Variants in SH2D4B observed in about 807,000 individuals in gnomAD.
The protein encoded by SH2D4B is SH2 domain-containing protein 4B.
Under a neutral mutation model 61.5 loss-of-function variants are expected in SH2D4B, and 45 were observed. The ratio of observed to expected loss-of-function variants is 0.73; its 90% CI spans 0.58 to 0.94. The LOEUF (loss-of-function observed/expected upper bound fraction) is 0.94. SH2D4B is among the 40% of genes least tolerant of loss of function. The pLI is 0.00. For missense variants in SH2D4B, 572 were observed against 574.2 expected, an observed-to-expected ratio of 1.00 and a Z score of 0.04; for synonymous variants, 224 against 220.4, an observed-to-expected ratio of 1.02 and a Z score of -0.14.
rs776694070 is a variant in SH2D4B at position 80,616,768 on chromosome 10, G to C, written c.988+7217G>C. On this transcript the variant is annotated intron_variant, in intron 6 of 7. Coordinates refer to ENST00000646907, the MANE Select transcript of SH2D4B (RefSeq NM_001388272.1). ...CTTTTTGTGTTTTAACTAATAATTTGGGAACAGTTACTTTGTGCTGGCATT... is the reference window on the plus strand; with the variant it reads ...CTTTTTGTGTTTTAACTAATAATTTCGGAACAGTTACTTTGTGCTGGCATT... 1.9e-4 allele frequency among the ~76,000 whole-genome samples: 29 copies of C among 152,178 alleles called. 1 individual carries two copies. Among genetic ancestry groups the C allele is most frequent in the Admixed American group, 6.5e-5 (1 of 15,268 alleles).
At chr10:80,632,990 T>A (rs1200344080) in intron 6 of SH2D4B, among the ~76,000 whole-genome samples, 2 of 151,818 alleles carry the variant, frequency 1.3e-5, no homozygotes, top group African/African-American at 4.8e-5. Flanking sequence ...TGGCCCCTGG[T>A]TGCGCCAATT....
intron 6 of SH2D4B, among the ~76,000 whole-genome samples, chr10:80,627,533 G>C (rs1842778268): frequency 6.6e-6 from 1 of 151,928 alleles, no homozygotes; most frequent in Non-Finnish European, 1.5e-5. Flanking sequence ...TCCGCCGCTG[G>C]GCTCCAGAAC....
At chr10:80,560,210 A>G (rs563728857) in intron 1 of SH2D4B, among the ~76,000 whole-genome samples, 5 of 151,680 alleles carry the variant, frequency 3.3e-5, no homozygotes, top group Admixed American at 1.3e-4. Flanking sequence ...GATGGTCTCG[A>G]TCTCCTGACC....
intron 1 of SH2D4B, among the ~76,000 whole-genome samples, chr10:80,560,554 T>G (rs1043460547): frequency 1.8e-4 from 27 of 151,570 alleles, no homozygotes; most frequent in Middle Eastern, 3.4e-3. Context: ...CCTGGCTAAT[T>G]TTTTTTTACT....
chr10:80,582,901 A>G (rs1287272458), intron 3 of SH2D4B, among the ~76,000 whole-genome samples: 4 of 152,124 alleles, frequency 2.6e-5, no homozygotes, highest in Non-Finnish European at 5.9e-5. Flanking sequence ...GCACTGAATA[A>G]TCTCAGAGGA....
At chr10:80,621,981 A>G (rs1441723512) in intron 6 of SH2D4B, among the ~76,000 whole-genome samples, 1 of 152,140 alleles carries the variant, frequency 6.6e-6, no homozygotes, top group Non-Finnish European at 1.5e-5. Context: ...TCAGCCTCCC[A>G]AAGTGCTGGG....
chr10:80,622,071 T>A (rs1421828886), intron 6 of SH2D4B, among the ~76,000 whole-genome samples: 1 of 152,168 alleles, frequency 6.6e-6, no homozygotes, highest in Non-Finnish European at 1.5e-5. Flanking sequence ...CCATTTTTAA[T>A]TATTTCTACC....
At chr10:80,634,263 G>GTTTTTTTGT in intron 6 of SH2D4B, 22 bp from the exon 7 acceptor site, 1 of 1,490,604 alleles carries the variant, frequency 6.7e-7, no homozygotes, top group Non-Finnish European at 8.9e-7. Flanking sequence ...GTGTTTTTTT[G>GTTTTTTTGT]TTTTTTTCTA....
intron 6 of SH2D4B, among the ~76,000 whole-genome samples, chr10:80,630,565 T>C (rs1842819851): frequency 6.6e-6 from 1 of 152,114 alleles, no homozygotes; most frequent in African/African-American, 2.4e-5. Flanking sequence ...TGGGGATAGT[T>C]GGGGAGAACA....
intron 1 of SH2D4B, among the ~76,000 whole-genome samples, chr10:80,541,245 T>C (rs552037017): frequency 3.9e-5 from 6 of 152,346 alleles, no homozygotes; most frequent in Admixed American, 2.6e-4. Flanking sequence ...AGAAGAGCCA[T>C]GGACAAGTCA....
At chr10:80,542,848 T>C (rs1304363004) in intron 1 of SH2D4B, among the ~76,000 whole-genome samples, 1 of 152,156 alleles carries the variant, frequency 6.6e-6, no homozygotes, top group Non-Finnish European at 1.5e-5. Flanking sequence ...GCCTGCACAC[T>C]CAGGAAGCTG....
chr10:80,571,735 C>A lies in SH2D4B; in HGVS notation c.495+157C>A, dbSNP rs1370869692. Among the ~76,000 whole-genome samples, 7 of 151,664 alleles carry A rather than the reference C, an allele frequency of 4.6e-5. No individual in the cohort carries two copies. The South Asian group carries it at 8.4e-4, about 18-fold the overall frequency. On this transcript the variant is annotated intron_variant, in intron 3 of 7. Transcript: ENST00000646907. ...AATGTCTGAGCAGGAAGGAACTTGA[C>A]ACACCATTTGGGCCAATCCACTTCT...
chr10:80,540,353 G>A (rs947821068), intron 1 of SH2D4B, among the ~76,000 whole-genome samples: 11 of 152,140 alleles, frequency 7.2e-5, no homozygotes, highest in Non-Finnish European at 1.2e-4. Context: ...GCTTTCGGCC[G>A]GAGGGTCCAG....
At chr10:80,625,581 TTC>T (rs1183551234) in intron 6 of SH2D4B, among the ~76,000 whole-genome samples, 3,660 of 148,926 alleles carry the variant, frequency 0.025, 205 homozygotes, top group African/African-American at 0.088. Flanking sequence ...TTCTTTTTTT[TTC>T]TTTTTTTGAG....
chr10:80,592,036 C>T (rs1842334455), intron 4 of SH2D4B, among the ~76,000 whole-genome samples: 1 of 152,120 alleles, frequency 6.6e-6, no homozygotes, highest in Non-Finnish European at 1.5e-5. Context: ...CCTTGACGTC[C>T]TTGCCAACCC....
chr10:80,613,831 T>C (rs1467891518), intron 6 of SH2D4B, among the ~76,000 whole-genome samples: 1 of 152,152 alleles, frequency 6.6e-6, no homozygotes, highest in African/African-American at 2.4e-5. Flanking sequence ...TCAGAATACA[T>C]TCAGAGAAGA....
chr10:80,634,623 C>G (rs1226388160), intron 7 of SH2D4B, 118 bp downstream of exon 7: 1 of 1,421,664 alleles, frequency 7.0e-7, no homozygotes, highest in Non-Finnish European at 9.4e-7. Flanking sequence ...GCTGGAGGGT[C>G]TCAGAGATGT....
chr10:80,565,206 G>T (rs1410975214), intron 1 of SH2D4B, among the ~76,000 whole-genome samples: 4 of 152,066 alleles, frequency 2.6e-5, no homozygotes, highest in African/African-American at 4.8e-5. Flanking sequence ...CGTCCACAAG[G>T]ACTCAAATAG....
At chr10:80,566,754 T>C (rs946389745) in intron 1 of SH2D4B, among the ~76,000 whole-genome samples, 1 of 152,134 alleles carries the variant, frequency 6.6e-6, no homozygotes, top group African/African-American at 2.4e-5. Context: ...TAGCTACCCA[T>C]TTTTTGCTGC....
Sources: gnomAD v4.1 joint callset for allele counts (sites outside exome capture counted in the v4.1 genomes callset) on GRCh38, gnomAD v4.1.1 for gene constraint, MANE v1.5 for transcripts, NCBI Gene and HGNC (gene_info 2026-07-23, HGNC 2026-07-21) for gene names.